ZDHHC15: variants seen among roughly 807,000 people sequenced by gnomAD.
ZDHHC15 encodes palmitoyltransferase ZDHHC15.
A neutral mutation model predicts 31.7 loss-of-function variants in ZDHHC15; 19 were observed. The ratio of observed to expected loss-of-function variants is 0.60; its 90% CI spans 0.42 to 0.88. ZDHHC15 has a LOEUF of 0.88. Ranked by LOEUF, ZDHHC15 falls within the 40% of genes least tolerant of loss-of-function variation. The pLI, the probability that ZDHHC15 is intolerant of heterozygous loss-of-function variation, is 0.00. For synonymous variants in ZDHHC15, 103 were observed against 90.0 expected (o/e 1.14, Z -0.82); for missense variants, 209 against 251.2 (o/e 0.83, Z 1.14).
chrX:75,422,798 T>C (rs191703953), intron 8 of ZDHHC15, among the ~76,000 whole-genome samples: 1 of 109,408 alleles, frequency 9.1e-6, no homozygotes, highest in Non-Finnish European at 1.9e-5. Flanking sequence ...TGCAAATACT[T>C]TTTTTTTAAA....
At chrX:75,495,124 T>A (rs79170831) in intron 2 of ZDHHC15, among the ~76,000 whole-genome samples, 32,672 of 110,795 alleles carry the variant, frequency 0.29, 4,435 homozygotes, top group East Asian at 0.88. Flanking sequence ...GGCAAAGGAT[T>A]TGAATAGCCA....
intron 1 of ZDHHC15, among the ~76,000 whole-genome samples, chrX:75,514,640 T>C (rs929870208): frequency 9.0e-6 from 1 of 111,519 alleles, no homozygotes; most frequent in African/African-American, 3.3e-5. Flanking sequence ...TTCCTGGCCA[T>C]GGGAAACTAT....
intron 1 of ZDHHC15, among the ~76,000 whole-genome samples, chrX:75,519,349 C>T (rs1175416118): frequency 1.8e-5 from 2 of 111,394 alleles, no homozygotes; most frequent in Admixed American, 9.6e-5. Flanking sequence ...GTGTTGTGAA[C>T]TGTGATGCAT....
At chrX:75,489,822 C>A (rs1452994007) in intron 2 of ZDHHC15, among the ~76,000 whole-genome samples, 2 of 111,485 alleles carry the variant, frequency 1.8e-5, no homozygotes, top group Non-Finnish European at 3.8e-5. Flanking sequence ...GAACCCATGG[C>A]AAAGAAGTTA....
chrX:75,482,935 G>A (rs901372051), intron 2 of ZDHHC15, among the ~76,000 whole-genome samples: 2 of 107,396 alleles, frequency 1.9e-5, no homozygotes, highest in African/African-American at 6.8e-5. Context: ...TCGAGAAGCT[G>A]GTTAACCTTG....
intron 10 of ZDHHC15, among the ~76,000 whole-genome samples, chrX:75,402,858 G>A (rs1167910625): frequency 9.1e-6 from 1 of 110,019 alleles, no homozygotes; most frequent in Non-Finnish European, 1.9e-5. Context: ...GAGGAGGAAG[G>A]ACTCCTCTCC....
At chrX:75,501,057 G>A (rs190054369) in intron 2 of ZDHHC15, among the ~76,000 whole-genome samples, 4 of 110,431 alleles carry the variant, frequency 3.6e-5, no homozygotes, top group Non-Finnish European at 3.8e-5. Flanking sequence ...AGATTACTTC[G>A]TCACCTAGGT....
chrX:75,479,666 C>T lies in ZDHHC15; in HGVS notation c.164-681G>A, dbSNP rs182040529. 1.2e-3 allele frequency among the ~76,000 whole-genome samples: 136 copies of T among 111,171 alleles called. 1 individual carries two copies. Among genetic ancestry groups the T allele is most frequent in the Middle Eastern group, 9.3e-3 (2 of 214 alleles). ...TCTTATCATCCACCCCTCTCCTACC[C>T]CCTCACCCATACCAGTCTCTATTAT... is the stretch of plus-strand genomic sequence containing the variant. On this transcript the variant is annotated intron_variant, in intron 2 of 11. Transcript: ENST00000373367.
intron 10 of ZDHHC15, among the ~76,000 whole-genome samples, chrX:75,415,063 A>G (rs1472468887): frequency 9.0e-6 from 1 of 110,639 alleles, no homozygotes; most frequent in Non-Finnish European, 1.9e-5. Flanking sequence ...CGTGAGCTAC[A>G]GCGCCCGGCC....
At chrX:75,508,216 T>C (rs960792593) in intron 1 of ZDHHC15, among the ~76,000 whole-genome samples, 5 of 109,499 alleles carry the variant, frequency 4.6e-5, no homozygotes, top group African/African-American at 1.7e-4. Flanking sequence ...TGCAGATGTA[T>C]ACATGTGCCA....
intron 10 of ZDHHC15, among the ~76,000 whole-genome samples, chrX:75,379,759 CATA>C (rs1395112475): frequency 8.9e-6 from 1 of 112,194 alleles, no homozygotes; most frequent in Non-Finnish European, 1.9e-5. Flanking sequence ...ATACTCACAG[CATA>C]ATAATATACT....
intron 4 of ZDHHC15, among the ~76,000 whole-genome samples, chrX:75,442,965 G>T (rs368476924): frequency 0.084 from 7,341 of 87,570 alleles, 368 homozygotes; most frequent in Middle Eastern, 0.14. Flanking sequence ...CAGCCTGGGC[G>T]ACAGAGCGAG....
At chrX:75,514,958 T>A (rs1282219095) in intron 1 of ZDHHC15, among the ~76,000 whole-genome samples, 1 of 111,902 alleles carries the variant, frequency 8.9e-6, no homozygotes, top group Non-Finnish European at 1.9e-5. Flanking sequence ...TCTATGCAAA[T>A]AAACTAGAAA....
chrX:75,464,710 C>G (rs1017625918), intron 3 of ZDHHC15, among the ~76,000 whole-genome samples: 2 of 110,477 alleles, frequency 1.8e-5, no homozygotes, highest in East Asian at 5.6e-4. Context: ...AGACAAAAAC[C>G]ACATCATTAT....
Position 75,424,734 on chromosome X carries a change from AAAGAG to A in ZDHHC15, c.649_653del (p.Leu217CysfsTer59). 8.3e-7 allele frequency: 1 copy of A among 1,207,972 alleles called. No homozygotes were observed. The highest frequency in any genetic ancestry group is 1.1e-6 in the Non-Finnish European group (1 of 893,623). ...GGCTGACAAAAAACATGCAGGCCAC[AAAGAG>A]AAGAAAAAGGACATGGAACTTAGAG... On this transcript the variant is annotated frameshift_variant, in exon 8 of 12. Coordinates refer to ENST00000373367, the MANE Select transcript of ZDHHC15 (RefSeq NM_144969.3). LOFTEE classifies it high-confidence loss of function.
intron 3 of ZDHHC15, among the ~76,000 whole-genome samples, chrX:75,462,120 G>A (rs1391703599): frequency 1.8e-5 from 2 of 111,034 alleles, no homozygotes; most frequent in Non-Finnish European, 3.8e-5. Flanking sequence ...AAAAAGTAGA[G>A]GTTACAATCC....
chrX:75,452,484 A>G (rs2084139888), intron 3 of ZDHHC15, among the ~76,000 whole-genome samples: 1 of 111,214 alleles, frequency 9.0e-6, no homozygotes, highest in African/African-American at 3.3e-5. Context: ...GATCAATGAG[A>G]CAGAAGGTTA....
intron 4 of ZDHHC15, among the ~76,000 whole-genome samples, chrX:75,446,704 T>C (rs1324205967): frequency 9.0e-6 from 1 of 111,274 alleles, no homozygotes; most frequent in Non-Finnish European, 1.9e-5. Context: ...CCAACAGCTT[T>C]AGTGCTGGTG....
At chrX:75,517,427 G>A (rs2085374863) in intron 1 of ZDHHC15, among the ~76,000 whole-genome samples, 2 of 109,694 alleles carry the variant, frequency 1.8e-5, no homozygotes, top group Admixed American at 1.9e-4. Context: ...ATGAGTTCAT[G>A]TCCTTTGTAG....
Sources: gnomAD v4.1 joint callset for allele counts (sites outside exome capture counted in the v4.1 genomes callset) on GRCh38, gnomAD v4.1.1 for gene constraint, MANE v1.5 for transcripts, NCBI Gene and HGNC (gene_info 2026-07-23, HGNC 2026-07-21) for gene names.